EPHA3: variants seen among roughly 807,000 people sequenced by gnomAD.
EPHA3 encodes EPH receptor A3, also known as ephrin type-A receptor 3.
A neutral mutation model predicts 107.1 loss-of-function variants in EPHA3; 42 were observed. That is an observed-to-expected ratio of 0.39 (90% CI 0.31 to 0.51). The LOEUF is 0.51. Ranked by LOEUF, EPHA3 falls within the 20% of genes least tolerant of loss-of-function variation. The pLI, the probability that EPHA3 is intolerant of heterozygous loss-of-function variation, is 0.78. For missense variants in EPHA3, 1,183 were observed against 1,211.2 expected (o/e 0.98, Z 0.35); for synonymous variants, 461 against 424.8 (o/e 1.09, Z -1.05).
intron 13 of EPHA3, among the ~76,000 whole-genome samples, chr3:89,436,998 T>C (rs568092668): frequency 6.6e-6 from 1 of 152,292 alleles, no homozygotes; most frequent in Middle Eastern, 3.4e-3. Flanking sequence ...TTTTCCATTA[T>C]ACAATGTTAT....
At chr3:89,231,039 C>T (rs1704621000) in intron 3 of EPHA3, among the ~76,000 whole-genome samples, 1 of 151,900 alleles carries the variant, frequency 6.6e-6, no homozygotes, top group South Asian at 2.1e-4. Flanking sequence ...ACACACAAAA[C>T]TCATTTGTTA....
At chr3:89,262,367 A>T (rs1300734603) in intron 3 of EPHA3, among the ~76,000 whole-genome samples, 3 of 152,072 alleles carry the variant, frequency 2.0e-5, no homozygotes, top group Non-Finnish European at 4.4e-5. Flanking sequence ...CCCTCTGAGG[A>T]TTCTAGGGAA....
intron 2 of EPHA3, among the ~76,000 whole-genome samples, chr3:89,155,383 AC>A (rs1467658228): frequency 6.6e-6 from 1 of 152,088 alleles, no homozygotes; most frequent in Non-Finnish European, 1.5e-5. Flanking sequence ...GTGGGTGTAT[AC>A]CTTGTGCCAA....
intron 15 of EPHA3, among the ~76,000 whole-genome samples, chr3:89,459,974 T>A (rs1710188859): frequency 6.6e-6 from 1 of 152,224 alleles, no homozygotes; most frequent in Non-Finnish European, 1.5e-5. Flanking sequence ...AAAAACATAT[T>A]TTGAAAGATT....
At chr3:89,111,947 A>G (rs949886269) in intron 1 of EPHA3, among the ~76,000 whole-genome samples, 8 of 152,206 alleles carry the variant, frequency 5.3e-5, no homozygotes, top group African/African-American at 1.9e-4. Flanking sequence ...AAACAGTTTC[A>G]CTGTAACTAT....
chr3:89,379,706 A>C (rs1481076862), intron 5 of EPHA3, among the ~76,000 whole-genome samples: 1 of 152,228 alleles, frequency 6.6e-6, no homozygotes, highest in East Asian at 1.9e-4. Context: ...AGGGCTTCTC[A>C]GAAAGATTTC....
intron 2 of EPHA3, among the ~76,000 whole-genome samples, chr3:89,175,588 G>A (rs1390502555): frequency 6.6e-6 from 1 of 152,054 alleles, no homozygotes; most frequent in East Asian, 1.9e-4. Context: ...GTAAAATTAT[G>A]TTTCAGCCTT....
chr3:89,247,239 A>G (rs951036437), intron 3 of EPHA3, among the ~76,000 whole-genome samples: 1 of 152,216 alleles, frequency 6.6e-6, no homozygotes, highest in Admixed American at 6.5e-5. Flanking sequence ...AGACTGGGAA[A>G]GATCCAGCTC....
At chr3:89,387,118 A>G (rs1708637673) in intron 5 of EPHA3, among the ~76,000 whole-genome samples, 1 of 152,150 alleles carries the variant, frequency 6.6e-6, no homozygotes, top group African/African-American at 2.4e-5. Context: ...GGACCATTGG[A>G]AGGGCATGAT....
At chr3:89,395,799 G>C (rs370170941) in intron 5 of EPHA3, 38 bp from the exon 6 acceptor site, 3 of 1,609,534 alleles carry the variant, frequency 1.9e-6, no homozygotes, top group African/African-American at 2.7e-5. Flanking sequence ...CCATTAATTT[G>C]CTTCCTTCCA....
chr3:89,358,866 A>C (rs1236093969), intron 5 of EPHA3, among the ~76,000 whole-genome samples: 2 of 151,248 alleles, frequency 1.3e-5, no homozygotes, highest in African/African-American at 2.4e-5. Flanking sequence ...TGATAATTGC[A>C]TGTGTATTTT....
intron 16 of EPHA3, 116 bp downstream of exon 16, chr3:89,472,735 G>T (rs1314260803): frequency 5.8e-6 from 7 of 1,216,784 alleles, no homozygotes; most frequent in Non-Finnish European, 7.9e-6. Flanking sequence ...TGGTAGATCT[G>T]AGGTACTGAC....
chr3:89,459,240 C>G (rs73141104), intron 15 of EPHA3, among the ~76,000 whole-genome samples: 2 of 151,732 alleles, frequency 1.3e-5, no homozygotes, highest in Non-Finnish European at 2.9e-5. Context: ...GAAAACTATT[C>G]TGAATTTTGG....
chr3:89,187,757 C>T (rs1357893673), intron 2 of EPHA3, among the ~76,000 whole-genome samples: 1 of 152,000 alleles, frequency 6.6e-6, no homozygotes, highest in Non-Finnish European at 1.5e-5. Context: ...TAAACAGTAG[C>T]CTTGTCACCA....
chr3:89,164,119 C>A (rs6551398), intron 2 of EPHA3, among the ~76,000 whole-genome samples: 1 of 152,158 alleles, frequency 6.6e-6, no homozygotes, highest in Non-Finnish European at 1.5e-5. Flanking sequence ...GTAGAGAAGA[C>A]TAATTGATTT....
At chr3:89,220,080 T>G (rs1415846210) in intron 3 of EPHA3, among the ~76,000 whole-genome samples, 1 of 152,114 alleles carries the variant, frequency 6.6e-6, no homozygotes, top group Non-Finnish European at 1.5e-5. Flanking sequence ...ATGCCACACA[T>G]GTTGCTAAAT....
intron 3 of EPHA3, among the ~76,000 whole-genome samples, chr3:89,306,985 C>A (rs1468033817): frequency 6.6e-6 from 1 of 152,072 alleles, no homozygotes; most frequent in Non-Finnish European, 1.5e-5. Context: ...TTTCAAAAAT[C>A]AGACATAAAA....
At chr3:89,420,449 A>C (rs1312335334) in intron 11 of EPHA3, among the ~76,000 whole-genome samples, 3 of 151,516 alleles carry the variant, frequency 2.0e-5, no homozygotes, top group Non-Finnish European at 3.0e-5. Context: ...GGAATTAAGA[A>C]TTTAACAATG....
intron 15 of EPHA3, among the ~76,000 whole-genome samples, chr3:89,468,891 C>A (rs980703651): frequency 1.3e-5 from 2 of 151,984 alleles, no homozygotes; most frequent in Admixed American, 1.3e-4. Flanking sequence ...AATAAAAATA[C>A]AAAATTTTCA....
Sources: gnomAD v4.1 joint callset for allele counts (sites outside exome capture counted in the v4.1 genomes callset) on GRCh38, gnomAD v4.1.1 for gene constraint, MANE v1.5 for transcripts, NCBI Gene and HGNC (gene_info 2026-07-23, HGNC 2026-07-21) for gene names.